SLC44A5: variants seen among roughly 807,000 people sequenced by gnomAD.
The protein encoded by SLC44A5 is choline transporter-like protein 5.
In SLC44A5, 57 loss-of-function variants were observed where a neutral mutation model predicts 101.8. The observed-to-expected ratio is 0.56, with a 90% CI of 0.45 to 0.70. The LOEUF (loss-of-function observed/expected upper bound fraction) is 0.70, where lower values mean the gene tolerates loss of function less well. Ranked by LOEUF, SLC44A5 falls within the 30% of genes least tolerant of loss-of-function variation. The probability of loss-of-function intolerance (pLI) is 0.00; values close to 1 mark genes in which losing one functional copy is unlikely to be tolerated. For missense variants in SLC44A5, 737 were observed against 853.1 expected, an observed-to-expected ratio of 0.86 and a Z score of 1.70; for synonymous variants, 281 against 290.9, an observed-to-expected ratio of 0.97 and a Z score of 0.35.
intron 23 of SLC44A5, 110 bp from the exon 24 acceptor site, chr1:75,203,943 T>TG: frequency 2.6e-6 from 1 of 379,834 alleles, no homozygotes; most frequent in South Asian, 2.9e-5. Context: ...TTTTGTTGTT[T>TG]TTTTTTTGTT....
chr1:75,482,610 C>T (rs12088462), intron 2 of SLC44A5, among the ~76,000 whole-genome samples: 20,955 of 151,968 alleles, frequency 0.14, 1,588 homozygotes, highest in African/African-American at 0.17. Context: ...TGGACCATCA[C>T]TAAAATTCCT....
intron 1 of SLC44A5, among the ~76,000 whole-genome samples, chr1:75,563,128 T>C (rs1672612993): frequency 1.3e-5 from 2 of 152,182 alleles, no homozygotes. Context: ...TATAAAAGTA[T>C]GGATATAAAA....
chr1:75,593,125 GA>G (rs35621974), intron 1 of SLC44A5, among the ~76,000 whole-genome samples: 1 of 151,892 alleles, frequency 6.6e-6, no homozygotes, highest in Non-Finnish European at 1.5e-5. Flanking sequence ...AATACACAAG[GA>G]ACTCAACACT....
the SLC44A5 span, among the ~76,000 whole-genome samples, chr1:75,704,925 TTCTC>T: frequency 2.0e-5 from 3 of 152,320 alleles, no homozygotes; most frequent in Non-Finnish European, 2.9e-5. Context: ...CAGGTTTTGG[TTCTC>T]TCTAACAGGT....
chr1:75,257,774 G>T (rs1650136303), intron 6 of SLC44A5, among the ~76,000 whole-genome samples: 1 of 152,054 alleles, frequency 6.6e-6, no homozygotes, highest in South Asian at 2.1e-4. Context: ...GGCTAAATAG[G>T]AACAGCTCTG....
intron 12 of SLC44A5, among the ~76,000 whole-genome samples, chr1:75,232,953 G>T (rs1489464808): frequency 6.6e-6 from 1 of 152,132 alleles, no homozygotes; most frequent in Non-Finnish European, 1.5e-5. Context: ...TGTTATTTTT[G>T]ATGTCTACTA....
chr1:75,517,861 A>G (rs1157015870), intron 2 of SLC44A5, among the ~76,000 whole-genome samples: 1 of 152,226 alleles, frequency 6.6e-6, no homozygotes, highest in Non-Finnish European at 1.5e-5. Context: ...AATAGTTAGA[A>G]AGTGCTTTGG....
chr1:75,489,654 T>C (rs1440723744), intron 2 of SLC44A5, among the ~76,000 whole-genome samples: 2 of 152,174 alleles, frequency 1.3e-5, no homozygotes, highest in African/African-American at 4.8e-5. Flanking sequence ...GGTGATGGCA[T>C]GAATGAAATA....
intron 4 of SLC44A5, among the ~76,000 whole-genome samples, chr1:75,306,181 G>T (rs992323800): frequency 7.2e-5 from 11 of 152,168 alleles, no homozygotes; most frequent in Non-Finnish European, 1.2e-4. Flanking sequence ...TTGCTACAAT[G>T]GCTTAGTAGT....
the SLC44A5 span, among the ~76,000 whole-genome samples, chr1:75,633,828 G>A: frequency 6.6e-6 from 1 of 152,114 alleles, no homozygotes. Flanking sequence ...TCCAGTCTTT[G>A]CCCATTCAGT....
chr1:75,515,147 A>T (rs1338730562), intron 2 of SLC44A5, among the ~76,000 whole-genome samples: 1 of 152,064 alleles, frequency 6.6e-6, no homozygotes, highest in Non-Finnish European at 1.5e-5. Flanking sequence ...TGTTTATTTT[A>T]TTGTAAATTG....
the SLC44A5 span, among the ~76,000 whole-genome samples, chr1:75,685,380 G>T: frequency 1.6e-4 from 24 of 152,114 alleles, no homozygotes; most frequent in Admixed American, 1.4e-3. Flanking sequence ...CAGAAAATGG[G>T]TTTTTCTTTT....
At chr1:75,254,510 C>A (rs992290727) in intron 6 of SLC44A5, among the ~76,000 whole-genome samples, 1 of 152,054 alleles carries the variant, frequency 6.6e-6, no homozygotes, top group African/African-American at 2.4e-5. Context: ...GGCACTTAAG[C>A]CTATCTCTCT....
intron 4 of SLC44A5, among the ~76,000 whole-genome samples, chr1:75,312,323 C>A (rs1570645380): frequency 6.6e-6 from 1 of 152,060 alleles, no homozygotes; most frequent in East Asian, 1.9e-4. Flanking sequence ...ACTAATACAG[C>A]CAGTGTGGAT....
intron 7 of SLC44A5, among the ~76,000 whole-genome samples, chr1:75,244,812 AC>A: frequency 6.6e-6 from 1 of 152,068 alleles, no homozygotes; most frequent in African/African-American, 2.4e-5. Context: ...ACAATAAAAA[AC>A]AAAAGTCAGA....
the SLC44A5 span, among the ~76,000 whole-genome samples, chr1:75,644,166 G>A: frequency 7.2e-5 from 11 of 152,080 alleles, no homozygotes; most frequent in Non-Finnish European, 1.6e-4. Context: ...TGTCTATCAA[G>A]GGAACTGGTA....
intron 2 of SLC44A5, among the ~76,000 whole-genome samples, chr1:75,454,390 G>A (rs896737131): frequency 2.0e-5 from 3 of 151,930 alleles, no homozygotes; most frequent in African/African-American, 7.2e-5. Context: ...GGCATTCGAG[G>A]AACATATCTC....
intron 13 of SLC44A5, among the ~76,000 whole-genome samples, chr1:75,223,305 C>A (rs1307130551): frequency 1.3e-5 from 2 of 152,174 alleles, no homozygotes; most frequent in Non-Finnish European, 2.9e-5. Flanking sequence ...CTGCTCTGTT[C>A]TCAGCCTGTT....
At chr1:75,371,879 A>C (rs1660248560) in intron 3 of SLC44A5, among the ~76,000 whole-genome samples, 1 of 152,204 alleles carries the variant, frequency 6.6e-6, no homozygotes, top group Non-Finnish European at 1.5e-5. Context: ...AGAAAAAGCC[A>C]GGTTGGATTG....
Sources: gnomAD v4.1 joint callset for allele counts (sites outside exome capture counted in the v4.1 genomes callset) on GRCh38, gnomAD v4.1.1 for gene constraint, MANE v1.5 for transcripts, NCBI Gene and HGNC (gene_info 2026-07-23, HGNC 2026-07-21) for gene names.